The following SGCZ variants were observed in gnomAD, a reference collection of about 807,000 sequenced individuals.
The protein encoded by SGCZ is sarcoglycan zeta.
Under a neutral mutation model 41.3 loss-of-function variants are expected in SGCZ, and 40 were observed. That is an observed-to-expected ratio of 0.97 (90% CI 0.75 to 1.26). SGCZ has a LOEUF of 1.26. Ranked by LOEUF, SGCZ falls within the 50% of genes most tolerant of loss-of-function variation. The pLI is 0.00. For missense variants in SGCZ, 552 were observed against 369.8 expected, an observed-to-expected ratio of 1.49 and a Z score of -4.04; for synonymous variants, 206 against 137.5, an observed-to-expected ratio of 1.50 and a Z score of -3.49.
intron 1 of SGCZ, among the ~76,000 whole-genome samples, chr8:14,590,415 G>A (rs988886031): frequency 6.6e-6 from 1 of 151,680 alleles, no homozygotes; most frequent in Admixed American, 6.6e-5. Flanking sequence ...AAATATTGTT[G>A]TCTGTGTTTC....
intron 1 of SGCZ, among the ~76,000 whole-genome samples, chr8:15,106,338 T>C (rs572764331): frequency 3.9e-4 from 60 of 152,202 alleles, no homozygotes; most frequent in African/African-American, 1.3e-3. Flanking sequence ...TTAACACTAT[T>C]GACATTATAT....
At chr8:14,315,090 T>C (rs951149820) in intron 3 of SGCZ, among the ~76,000 whole-genome samples, 1 of 152,032 alleles carries the variant, frequency 6.6e-6, no homozygotes, top group Non-Finnish European at 1.5e-5. Context: ...GCAGATGAGG[T>C]GTATAGAGGA....
chr8:15,074,726 T>A (rs1805467856), intron 1 of SGCZ, among the ~76,000 whole-genome samples: 1 of 151,790 alleles, frequency 6.6e-6, no homozygotes, highest in Non-Finnish European at 1.5e-5. Context: ...CCTTTTCCCA[T>A]GCTTTGTCAT....
chr8:14,949,226 C>T (rs778516451), intron 1 of SGCZ, among the ~76,000 whole-genome samples: 4 of 152,002 alleles, frequency 2.6e-5, no homozygotes, highest in Non-Finnish European at 5.9e-5. Context: ...GATGGTAGTA[C>T]GGCAATGATA....
At chr8:14,094,431 C>T (rs1055616734) in intron 7 of SGCZ, among the ~76,000 whole-genome samples, 11 of 152,078 alleles carry the variant, frequency 7.2e-5, no homozygotes, top group African/African-American at 2.7e-4. Context: ...ATGATGGTTT[C>T]CAGCATCATC....
At chr8:15,030,760 C>A (rs577227807) in intron 1 of SGCZ, among the ~76,000 whole-genome samples, 14 of 152,042 alleles carry the variant, frequency 9.2e-5, no homozygotes, top group African/African-American at 2.4e-4. Flanking sequence ...AGGACTACGG[C>A]GGAGGTAACC....
chr8:14,986,797 T>G (rs1801838925), intron 1 of SGCZ, among the ~76,000 whole-genome samples: 1 of 152,012 alleles, frequency 6.6e-6, no homozygotes, highest in Non-Finnish European at 1.5e-5. Context: ...GACCTGTCAA[T>G]TTAATAATAA....
At chr8:14,143,110 C>T (rs905116655) in intron 5 of SGCZ, among the ~76,000 whole-genome samples, 23 of 151,362 alleles carry the variant, frequency 1.5e-4, no homozygotes, top group African/African-American at 3.6e-4. Context: ...CTTAATATAA[C>T]GCCAATTCAA....
At chr8:14,949,774 A>G (rs1356478460) in intron 1 of SGCZ, among the ~76,000 whole-genome samples, 10 of 152,132 alleles carry the variant, frequency 6.6e-5, no homozygotes, top group Non-Finnish European at 2.9e-5. Flanking sequence ...GTTTTGCTCT[A>G]TAATTGTGAT....
At chr8:14,251,007 C>T (rs1309911791) in intron 3 of SGCZ, among the ~76,000 whole-genome samples, 1 of 152,150 alleles carries the variant, frequency 6.6e-6, no homozygotes, top group African/African-American at 2.4e-5. Flanking sequence ...GTGGAGGGAT[C>T]ACCTGAGGTC....
At chr8:15,056,847 C>T (rs1804725402) in intron 1 of SGCZ, among the ~76,000 whole-genome samples, 1 of 152,130 alleles carries the variant, frequency 6.6e-6, no homozygotes, top group South Asian at 2.1e-4. Context: ...AATCAAGCAC[C>T]TGTTAGTCAT....
chr8:15,125,288 C>G (rs1807638860), intron 1 of SGCZ, among the ~76,000 whole-genome samples: 1 of 152,202 alleles, frequency 6.6e-6, no homozygotes, highest in Admixed American at 6.5e-5. Flanking sequence ...ATTGATTTCT[C>G]TCTGCCTTTC....
intron 1 of SGCZ, among the ~76,000 whole-genome samples, chr8:15,137,748 G>T (rs187696736): frequency 6.6e-6 from 1 of 152,324 alleles, no homozygotes; most frequent in Non-Finnish European, 1.5e-5. Flanking sequence ...AGGACATATA[G>T]ACATGTATGA....
intron 1 of SGCZ, among the ~76,000 whole-genome samples, chr8:14,957,005 A>T (rs1585411635): frequency 6.6e-6 from 1 of 152,254 alleles, no homozygotes; most frequent in South Asian, 2.1e-4. Flanking sequence ...ACACAATTAC[A>T]TGTGCCCTAG....
At chr8:15,197,609 C>G (rs1300481614) in intron 1 of SGCZ, among the ~76,000 whole-genome samples, 1 of 152,056 alleles carries the variant, frequency 6.6e-6, no homozygotes, top group African/African-American at 2.4e-5. Flanking sequence ...GCTTGAAAAT[C>G]AGAATGAATA....
chr8:14,838,246 A>G (rs1802771785), intron 1 of SGCZ, among the ~76,000 whole-genome samples: 1 of 152,128 alleles, frequency 6.6e-6, no homozygotes, highest in South Asian at 2.1e-4. Context: ...GCTAGTGTTC[A>G]GTAGTAGCAC....
At chr8:14,151,036 G>A (rs1425156371) in intron 5 of SGCZ, among the ~76,000 whole-genome samples, 1 of 152,132 alleles carries the variant, frequency 6.6e-6, no homozygotes, top group African/African-American at 2.4e-5. Context: ...TGGTAGTGGG[G>A]ATGCGTCAGG....
chr8:14,606,462 T>C (rs1388570122), intron 1 of SGCZ, among the ~76,000 whole-genome samples: 2 of 152,192 alleles, frequency 1.3e-5, no homozygotes, highest in Admixed American at 6.5e-5. Flanking sequence ...TAAGTTGTTG[T>C]TGAGAACTTC....
chr8:14,733,739 C>A (rs1285727127), intron 1 of SGCZ, among the ~76,000 whole-genome samples: 1 of 152,144 alleles, frequency 6.6e-6, no homozygotes. Flanking sequence ...ATTTAAATAA[C>A]AGTCATACAT....
Sources: gnomAD v4.1 joint callset for allele counts (sites outside exome capture counted in the v4.1 genomes callset) on GRCh38, gnomAD v4.1.1 for gene constraint, MANE v1.5 for transcripts, NCBI Gene and HGNC (gene_info 2026-07-23, HGNC 2026-07-21) for gene names.